IQCJ: variants seen among roughly 807,000 people sequenced by gnomAD.
IQCJ encodes IQ motif containing J, also known as IQ domain-containing protein J.
IQCJ carries 9 observed loss-of-function variants against 11.0 expected under a neutral mutation model. The ratio of observed to expected loss-of-function variants is 0.82; its 90% CI spans 0.49 to 1.43. The LOEUF (loss-of-function observed/expected upper bound fraction) is 1.43, where lower values mean the gene tolerates loss of function less well. IQCJ is among the 40% of genes most tolerant of loss of function. The probability of loss-of-function intolerance (pLI) is 0.00; values close to 1 mark genes in which losing one functional copy is unlikely to be tolerated. For missense variants in IQCJ, 146 were observed against 133.2 expected (o/e 1.10, Z -0.47); for synonymous variants, 55 against 51.3 (o/e 1.07, Z -0.31).
chr3:159,252,646 T>G (rs1727666845), intron 2 of IQCJ, 81 bp from the exon 3 acceptor site: 3 of 1,221,496 alleles, frequency 2.5e-6, no homozygotes, highest in South Asian at 3.5e-5. Flanking sequence ...ATTTTACACA[T>G]AAGTATAAAT....
intron 1 of IQCJ, among the ~76,000 whole-genome samples, chr3:159,189,862 T>A (rs970758413): frequency 7.2e-5 from 11 of 152,174 alleles, no homozygotes; most frequent in African/African-American, 2.7e-4. Context: ...TCCTAACTGT[T>A]CTTTCCCCTC....
In IQCJ at chr3:159,176,757, A is replaced by T. The variant is rs79635940; in HGVS notation, c.10-69086A>T. Among the ~76,000 whole-genome samples the T allele has an allele frequency of 3.0e-3, 462 of 152,318 alleles. 3 individuals carry two copies. Among genetic ancestry groups the T allele is most frequent in the African/African-American group, 0.01 (436 of 41,572 alleles). Reference sequence around the variant, plus strand: ...TTCTTTCATATACTCCAGTTAAAAAATTTTTAATGTGGCACTAGCTGCATT... The same window carrying T: ...TTCTTTCATATACTCCAGTTAAAAATTTTTTAATGTGGCACTAGCTGCATT... On this transcript the variant is annotated intron_variant, in intron 1 of 3. Transcript: ENST00000397832.
chr3:159,118,256 G>C (rs550164900), intron 1 of IQCJ, among the ~76,000 whole-genome samples: 3 of 152,234 alleles, frequency 2.0e-5, no homozygotes, highest in African/African-American at 7.2e-5. Flanking sequence ...TGACTTACAA[G>C]GCTCCCTGCA....
chr3:159,217,749 C>G (rs1031467754), intron 1 of IQCJ, among the ~76,000 whole-genome samples: 1 of 152,130 alleles, frequency 6.6e-6, no homozygotes, highest in Non-Finnish European at 1.5e-5. Flanking sequence ...ATTTACCTAG[C>G]AGACTCTTCA....
At chr3:159,102,373 A>C (rs1229955294) in intron 1 of IQCJ, among the ~76,000 whole-genome samples, 4 of 152,320 alleles carry the variant, frequency 2.6e-5, no homozygotes, top group Non-Finnish European at 4.4e-5. Flanking sequence ...ATCTATTCAA[A>C]ATTTCAGGAA....
chr3:159,195,854 A>G (rs1054999660), intron 1 of IQCJ, among the ~76,000 whole-genome samples: 5 of 152,212 alleles, frequency 3.3e-5, no homozygotes, highest in African/African-American at 1.2e-4. Context: ...CAAGACACCA[A>G]TAATATCTCA....
In IQCJ at chr3:159,148,500, G is replaced by A. The variant is rs137998962; in HGVS notation, c.9+79059G>A. On this transcript the variant is annotated intron_variant, in intron 1 of 3. Transcript: ENST00000397832. ...TAAAAACTTCATTTGGGATATTCTC[G>A]AAAGAATCTGTAAGATATATGCTTA... is the stretch of plus-strand genomic sequence containing the variant. 4.5e-3 allele frequency among the ~76,000 whole-genome samples: 680 copies of A among 152,248 alleles called. 5 individuals are homozygous for A. The highest frequency in any genetic ancestry group is 0.013 in the African/African-American group (546 of 41,550).
At chr3:159,069,843 TTGTGTG>T (rs34425057) in intron 1 of IQCJ, 11,660 of 300,052 alleles carry the variant, frequency 0.039, 400 homozygotes, top group African/African-American at 0.13. Context: ...CCCTCCTTTC[TTGTGTG>T]TGTGTGTGTG....
At chr3:159,111,592 C>T (rs567093945) in intron 1 of IQCJ, among the ~76,000 whole-genome samples, 10 of 152,118 alleles carry the variant, frequency 6.6e-5, no homozygotes, top group African/African-American at 7.2e-5. Context: ...CTCCTGTGGG[C>T]GCCAAATGAT....
chr3:159,176,821 C>T (rs1433311257), intron 1 of IQCJ, among the ~76,000 whole-genome samples: 1 of 152,058 alleles, frequency 6.6e-6, no homozygotes, highest in Non-Finnish European at 1.5e-5. Context: ...GGGAGGGTAC[C>T]ATATTGACCA....
chr3:159,203,355 T>G (rs1023600969), intron 1 of IQCJ, among the ~76,000 whole-genome samples: 2 of 151,106 alleles, frequency 1.3e-5, no homozygotes, highest in African/African-American at 4.9e-5. Flanking sequence ...TGAAGAGTGA[T>G]AAGAATTCAA....
intron 1 of IQCJ, among the ~76,000 whole-genome samples, chr3:159,187,580 A>C (rs1723442957): frequency 6.6e-6 from 1 of 152,252 alleles, no homozygotes; most frequent in African/African-American, 2.4e-5. Context: ...CCATGCTGTA[A>C]CTGTCAGTCC....
chr3:159,190,661 C>G (rs1040774970), intron 1 of IQCJ, among the ~76,000 whole-genome samples: 3 of 152,232 alleles, frequency 2.0e-5, no homozygotes, highest in African/African-American at 7.2e-5. Context: ...ATGGAGTCAG[C>G]ATCCTGGGGT....
At position 159,213,362 on chromosome 3, in the gene IQCJ, A is replaced by G. The variant is rs74411922; in HGVS notation, c.10-32481A>G. Among the ~76,000 whole-genome samples the G allele has an allele frequency of 4.3e-3, 655 of 152,302 alleles. 3 individuals carry two copies. Among genetic ancestry groups the G allele is most frequent in the Middle Eastern group, 0.031 (9 of 294 alleles). Reference sequence around the variant, plus strand: ...GGGTCAAACCATCTGGTTTTATTCTAGTTGCCACCAATCACAAGCTGCATG... The same window carrying G: ...GGGTCAAACCATCTGGTTTTATTCTGGTTGCCACCAATCACAAGCTGCATG... On this transcript the variant is annotated intron_variant, in intron 1 of 3. Coordinates refer to ENST00000397832, the MANE Select transcript of IQCJ (RefSeq NM_001042706.3).
chr3:159,253,827 T>C (rs1727742720), intron 3 of IQCJ, among the ~76,000 whole-genome samples: 1 of 152,216 alleles, frequency 6.6e-6, no homozygotes. Context: ...TTGCTGGACT[T>C]AGGAACTAAA....
intron 1 of IQCJ, among the ~76,000 whole-genome samples, chr3:159,116,619 T>C (rs1171527030): frequency 1.3e-4 from 1 of 7,772 alleles, no homozygotes; most frequent in African/African-American, 6.0e-4. Flanking sequence ...CATATGTATA[T>C]ATATATATAT....
chr3:159,229,498 A>G (rs1726066207), intron 1 of IQCJ, among the ~76,000 whole-genome samples: 1 of 151,840 alleles, frequency 6.6e-6, no homozygotes, highest in African/African-American at 2.4e-5. Flanking sequence ...TCTTCTTAAT[A>G]GCTTCCCCTT....
rs773081021 is a variant in IQCJ at position 159,087,861 on chromosome 3, A to G, written c.9+18420A>G. ...TCTATCAATTTTGTTGATCCTTTCA[A>G]AAAACCAGCTCCTGGATTCATTAAT... On this transcript the variant is annotated intron_variant, in intron 1 of 3. Coordinates refer to ENST00000397832, the MANE Select transcript of IQCJ (RefSeq NM_001042706.3). Among the ~76,000 whole-genome samples, 727 of 150,894 alleles carry G rather than the reference A, an allele frequency of 4.8e-3. 3 individuals carry two copies. Among genetic ancestry groups the G allele is most frequent in the Middle Eastern group, 0.014 (4 of 294 alleles).
chr3:159,104,163 T>C (rs1017935065), intron 1 of IQCJ, among the ~76,000 whole-genome samples: 6 of 152,222 alleles, frequency 3.9e-5, no homozygotes, highest in Non-Finnish European at 8.8e-5. Context: ...TATTCTTTCC[T>C]AGGACTGCTG....
Sources: gnomAD v4.1 joint callset for allele counts (sites outside exome capture counted in the v4.1 genomes callset) on GRCh38, gnomAD v4.1.1 for gene constraint, MANE v1.5 for transcripts, NCBI Gene and HGNC (gene_info 2026-07-23, HGNC 2026-07-21) for gene names.